The following RALYL variants were observed in gnomAD, a reference collection of about 807,000 sequenced individuals.
RALYL encodes the protein RALY RNA binding protein like, also known as RNA-binding Raly-like protein.
RALYL carries 29 observed loss-of-function variants against 35.1 expected under a neutral mutation model. That is an observed-to-expected ratio of 0.83 (90% CI 0.61 to 1.13). The LOEUF (loss-of-function observed/expected upper bound fraction) is 1.13, where lower values mean the gene tolerates loss of function less well. Among genes scored for constraint, RALYL ranks in the 50% most tolerant of loss-of-function variants. RALYL has a pLI of 0.00. For missense variants in RALYL, 359 were observed against 360.4 expected, an observed-to-expected ratio of 1.00 and a Z score of 0.03; for synonymous variants, 120 against 127.6, an observed-to-expected ratio of 0.94 and a Z score of 0.40.
rs151161076 is a variant in RALYL at position 84,475,561 on chromosome 8, G to T, written c.-23-53738G>T. Among the ~76,000 whole-genome samples the T allele has an allele frequency of 5.2e-3, 786 of 152,256 alleles. 3 individuals carry two copies. The highest frequency in any genetic ancestry group is 0.018 in the African/African-American group (757 of 41,558). The stretch of plus-strand genomic sequence containing the variant: ...AGCTTAATCAAGGGCTAGAAAGATA[G>T]AAATATGTGTTTAGACATACACCAA... On this transcript the variant is annotated intron_variant, in intron 1 of 8. Coordinates refer to ENST00000521268, the MANE Select transcript of RALYL (RefSeq NM_173848.7).
At chr8:84,460,787 A>G (rs956615687) in intron 1 of RALYL, among the ~76,000 whole-genome samples, 2 of 151,636 alleles carry the variant, frequency 1.3e-5, no homozygotes, top group Non-Finnish European at 3.0e-5. Context: ...AGAATGTATT[A>G]CTATGGGGTA....
At chr8:84,252,705 C>A (rs867308319) in intron 1 of RALYL, among the ~76,000 whole-genome samples, 11 of 152,204 alleles carry the variant, frequency 7.2e-5, no homozygotes, top group South Asian at 6.2e-4. Flanking sequence ...ACCTGCTTTT[C>A]TCTACCTGAC....
chr8:84,563,504 C>T (rs2061589506), intron 2 of RALYL, among the ~76,000 whole-genome samples: 1 of 151,582 alleles, frequency 6.6e-6, no homozygotes. Flanking sequence ...CTTAGAAGAA[C>T]CAGTAGTTTG....
intron 1 of RALYL, among the ~76,000 whole-genome samples, chr8:84,345,365 C>T (rs763060643): frequency 6.6e-6 from 1 of 152,070 alleles, no homozygotes; most frequent in East Asian, 1.9e-4. Flanking sequence ...ATTACCCTCC[C>T]CTCACAAAGG....
At chr8:84,917,248 CA>C (rs758158372) in intron 8 of RALYL, among the ~76,000 whole-genome samples, 25 of 151,632 alleles carry the variant, frequency 1.6e-4, no homozygotes, top group Non-Finnish European at 3.2e-4. Context: ...AGGATAAAGA[CA>C]TGAGAATTAC....
intron 2 of RALYL, among the ~76,000 whole-genome samples, chr8:84,769,568 C>T (rs1264456724): frequency 6.6e-6 from 1 of 152,102 alleles, no homozygotes; most frequent in Non-Finnish European, 1.5e-5. Flanking sequence ...GGAGACCAGT[C>T]TGGCTAACAT....
At chr8:84,775,476 G>A (rs74737166) in intron 3 of RALYL, among the ~76,000 whole-genome samples, 211 of 152,218 alleles carry the variant, frequency 1.4e-3, no homozygotes, top group African/African-American at 4.8e-3. Flanking sequence ...ATTCCACTCA[G>A]TCAGTCAGCC....
intron 5 of RALYL, among the ~76,000 whole-genome samples, chr8:84,850,939 A>C (rs2134811989): frequency 6.6e-6 from 1 of 152,264 alleles, no homozygotes; most frequent in African/African-American, 2.4e-5. Context: ...TATGTCGATA[A>C]GTTTGCCTTT....
intron 1 of RALYL, among the ~76,000 whole-genome samples, chr8:84,425,789 G>GTC (rs2046354048): frequency 6.7e-6 from 1 of 148,322 alleles, no homozygotes; most frequent in African/African-American, 2.5e-5. Context: ...TCTTCTGTGT[G>GTC]TGTGTGTGTG....
intron 2 of RALYL, among the ~76,000 whole-genome samples, chr8:84,712,552 T>C (rs1339067714): frequency 6.6e-6 from 1 of 152,180 alleles, no homozygotes; most frequent in Non-Finnish European, 1.5e-5. Context: ...TTGTACCAGG[T>C]GAGCATTTGT....
chr8:84,737,142 T>C (rs898585676), intron 2 of RALYL, among the ~76,000 whole-genome samples: 1 of 152,076 alleles, frequency 6.6e-6, no homozygotes, highest in Non-Finnish European at 1.5e-5. Flanking sequence ...AGAAATTTTC[T>C]GTCTGATTCC....
chr8:84,264,021 G>A (rs1457174759), intron 1 of RALYL, among the ~76,000 whole-genome samples: 22 of 152,044 alleles, frequency 1.4e-4, no homozygotes, highest in African/African-American at 5.1e-4. Flanking sequence ...TCATTGATGG[G>A]CATTTGGGTT....
chr8:84,592,489 C>T (rs1258934624), intron 2 of RALYL, among the ~76,000 whole-genome samples: 2 of 151,992 alleles, frequency 1.3e-5, no homozygotes, highest in Non-Finnish European at 2.9e-5. Context: ...TTTAAATTTC[C>T]TTAAACTCTG....
intron 2 of RALYL, among the ~76,000 whole-genome samples, chr8:84,697,697 C>G (rs2132259799): frequency 6.6e-6 from 1 of 152,146 alleles, no homozygotes; most frequent in East Asian, 1.9e-4. Flanking sequence ...AGGTATTAAG[C>G]CTAGTACCTA....
rs1811807781 is a variant in RALYL at position 84,183,718 on chromosome 8, A to G, written c.-730A>G. 2 of 148,612 alleles carry G rather than the reference A, an allele frequency of 1.3e-5. No homozygotes were observed. The highest frequency in any genetic ancestry group is 3.0e-5 in the Non-Finnish European group (2 of 67,318). The allele number at this position is 148,612 out of a possible 1,614,324, so 9.2% of individuals were successfully genotyped here. A position where few individuals can be genotyped will look rare whatever the true frequency, so the allele number is the denominator to read the frequency against. ...TTATATTTGGGAAAGCTGGAGGAGC[A>G]TGGTTTTGAGCCTTTTCCTGAATCC... is the stretch of plus-strand genomic sequence containing the variant. On this transcript the variant is annotated 5_prime_UTR_variant, in exon 1 of 9. The change abolishes an upstream ATG in the 5' untranslated region. Transcript: ENST00000521268.
intron 2 of RALYL, among the ~76,000 whole-genome samples, chr8:84,737,493 G>A (rs1847527726): frequency 6.6e-6 from 1 of 151,810 alleles, no homozygotes; most frequent in South Asian, 2.1e-4. Context: ...ACACAGACTA[G>A]TGCTATTGGG....
At chr8:84,628,062 C>A (rs1056584910) in intron 2 of RALYL, among the ~76,000 whole-genome samples, 1 of 152,172 alleles carries the variant, frequency 6.6e-6, no homozygotes, top group Non-Finnish European at 1.5e-5. Flanking sequence ...ACAACTAATG[C>A]CACTCATTGT....
At chr8:84,434,383 A>G (rs1252445687) in intron 1 of RALYL, among the ~76,000 whole-genome samples, 2 of 152,114 alleles carry the variant, frequency 1.3e-5, no homozygotes, top group African/African-American at 4.8e-5. Context: ...AGGCATAAAT[A>G]ACTTGTTTTT....
intron 1 of RALYL, among the ~76,000 whole-genome samples, chr8:84,234,602 G>A (rs937871520): frequency 3.3e-5 from 5 of 152,130 alleles, no homozygotes; most frequent in Non-Finnish European, 5.9e-5. Context: ...TCTCTGGAAA[G>A]TGCAACCATT....
Sources: gnomAD v4.1 joint callset for allele counts (sites outside exome capture counted in the v4.1 genomes callset) on GRCh38, gnomAD v4.1.1 for gene constraint, MANE v1.5 for transcripts, NCBI Gene and HGNC (gene_info 2026-07-23, HGNC 2026-07-21) for gene names.